The following MTMR3 variants were observed in gnomAD, a reference collection of about 807,000 sequenced individuals.
MTMR3 encodes the protein myotubularin related protein 3, also known as phosphatidylinositol-3,5-bisphosphate 3-phosphatase MTMR3.
MTMR3 carries 32 observed loss-of-function variants against 132.4 expected under a neutral mutation model. The ratio of observed to expected loss-of-function variants is 0.24; its 90% CI spans 0.18 to 0.32. The LOEUF is 0.32. Among genes scored for constraint, MTMR3 ranks in the 10% least tolerant of loss-of-function variants. The pLI is 1.00. For synonymous variants in MTMR3, 556 were observed against 550.3 expected (o/e 1.01, Z -0.14); for missense variants, 1,216 against 1,489.6 (o/e 0.82, Z 3.02).
intron 1 of MTMR3, among the ~76,000 whole-genome samples, chr22:29,948,810 A>AG (rs2065999912): frequency 6.6e-6 from 1 of 150,780 alleles, no homozygotes; most frequent in South Asian, 2.1e-4. Flanking sequence ...AAAAAAAAAA[A>AG]GCCAAAAAAC....
chr22:29,883,750 C>T (rs1477520911), intron 1 of MTMR3, among the ~76,000 whole-genome samples: 1 of 152,190 alleles, frequency 6.6e-6, no homozygotes, highest in Non-Finnish European at 1.5e-5. Flanking sequence ...CGCCCTTCGC[C>T]CCCTGCCGGG....
chr22:29,964,792 C>T (rs73162767), intron 2 of MTMR3, among the ~76,000 whole-genome samples: 3,032 of 152,274 alleles, frequency 0.02, 40 homozygotes, highest in South Asian at 0.039. Flanking sequence ...AATCAAATCA[C>T]GTCACTCTGC....
intron 1 of MTMR3, among the ~76,000 whole-genome samples, chr22:29,885,861 G>A (rs149670579): frequency 6.6e-6 from 1 of 152,346 alleles, no homozygotes; most frequent in Non-Finnish European, 1.5e-5. Flanking sequence ...GGAAGTATTC[G>A]TGTTTTAGAG....
Position 29,955,891 on chromosome 22 carries a change from A to G in MTMR3, c.-137-1145A>G, listed in dbSNP as rs534486553. On this transcript the variant is annotated intron_variant, in intron 1 of 19. Transcript: ENST00000401950. The stretch of plus-strand genomic sequence containing the variant: ...CTCAGCCTCCTGAGTAGCTGGGACT[A>G]CAGGTGTGCCCCACCACACCCAGCT... Among the ~76,000 whole-genome samples the G allele has an allele frequency of 2.6e-5, 4 of 152,244 alleles. No individual in the cohort carries two copies. The South Asian group carries it at 8.3e-4, about 32-fold the overall frequency.
At chr22:30,022,952 A>G in intron 19 of MTMR3, 1 of 503,968 alleles carries the variant, frequency 2.0e-6, no homozygotes, top group Non-Finnish European at 3.6e-6. Context: ...TGGTGAAACA[A>G]CAGCCACCAC....
intron 2 of MTMR3, among the ~76,000 whole-genome samples, chr22:29,969,862 C>A (rs1476412417): frequency 6.6e-6 from 1 of 152,148 alleles, no homozygotes; most frequent in Non-Finnish European, 1.5e-5. Flanking sequence ...CATCTCCTAC[C>A]ATTCCTCTGC....
At chr22:29,887,635 C>T (rs2064705540) in intron 1 of MTMR3, among the ~76,000 whole-genome samples, 2 of 152,162 alleles carry the variant, frequency 1.3e-5, no homozygotes, top group Non-Finnish European at 2.9e-5. Flanking sequence ...CCTGGGATGT[C>T]TCACATTTAT....
chr22:30,001,024 T>C (rs565745505), intron 8 of MTMR3: 1 of 152,212 alleles, frequency 6.6e-6, no homozygotes, highest in South Asian at 2.1e-4. Context: ...GAGGCCAAGA[T>C]AGAGGATTGA....
intron 5 of MTMR3, chr22:29,987,925 C>T (rs1156589409): frequency 2.0e-5 from 3 of 152,318 alleles, no homozygotes; most frequent in Non-Finnish European, 4.4e-5. Context: ...AGAGCCTGGC[C>T]AGCAGCTATT....
intron 6 of MTMR3, chr22:29,990,613 C>T (rs755047925): frequency 1.4e-4 from 21 of 152,184 alleles, no homozygotes; most frequent in Non-Finnish European, 2.6e-4. Flanking sequence ...CAGAGCCTCA[C>T]TCTGTTGCCC....
rs190766901 is a variant in MTMR3 at position 29,919,827 on chromosome 22, C to T, written c.-138+36468C>T. Among the ~76,000 whole-genome samples, 273 of 152,314 alleles carry T rather than the reference C, an allele frequency of 1.8e-3. 1 individual carries two copies. Among genetic ancestry groups the T allele is most frequent in the Admixed American group, 3.4e-3 (52 of 15,310 alleles). Reference sequence around the variant, plus strand: ...AGAGGCATGAGCCACTGCACCCAGCCTGGTTTTAATCTTTAGGAAATATTT... The same window carrying T: ...AGAGGCATGAGCCACTGCACCCAGCTTGGTTTTAATCTTTAGGAAATATTT... On this transcript the variant is annotated intron_variant, in intron 1 of 19. Transcript: ENST00000401950.
chr22:29,948,284 C>G (rs577453855), intron 1 of MTMR3, among the ~76,000 whole-genome samples: 1 of 152,144 alleles, frequency 6.6e-6, no homozygotes, highest in Non-Finnish European at 1.5e-5. Context: ...TGGTCCTTGT[C>G]GATTTTTGAT....
rs1260445551 is a variant in MTMR3, at chr22:30,019,917, A to G, written c.2258A>G (p.His753Arg). 1 of 1,614,214 alleles carries G rather than the reference A, an allele frequency of 6.2e-7. No homozygotes were observed. Among genetic ancestry groups the G allele is most frequent in the Non-Finnish European group, 8.5e-7 (1 of 1,180,034 alleles). The change falls in exon 17 of 20, where the codon CAT becomes CGT. Residue 753 changes from histidine (H) to arginine (R), a missense_variant. Coordinates refer to ENST00000401950, the MANE Select transcript of MTMR3 (RefSeq NM_021090.4). The stretch of plus-strand genomic sequence containing the variant: ...CTGGGTGATGCTGCTCTGAGGAGCC[A>G]TCTGGATATGAGCTGGCCTCTGTTC... ...PELGDAALRS[H>R]LDMSWPLFSQ...
At chr22:29,915,502 A>T (rs375410037) in intron 1 of MTMR3, among the ~76,000 whole-genome samples, 28 of 152,196 alleles carry the variant, frequency 1.8e-4, no homozygotes, top group East Asian at 7.7e-4. Flanking sequence ...GCTCACTGCA[A>T]CCTCAGCCTC....
In MTMR3 at chr22:30,030,676, T is replaced by A. The variant is rs1356896866; in HGVS notation, c.*4875T>A. 1 of 149,346 alleles carries A rather than the reference T, an allele frequency of 6.7e-6. No individual in the cohort carries two copies. The highest frequency in any genetic ancestry group is 2.0e-4 in the East Asian group (1 of 5,060). The allele number at this position is 149,346 out of a possible 1,614,324, so 9.3% of individuals were successfully genotyped here. ...ACTATTTATCTTCCAGAGGCAGGGT[T>A]CATGGATTCCTGATGTTTAGAGGCG... On this transcript the variant is annotated 3_prime_UTR_variant, in exon 20 of 20. Coordinates refer to ENST00000401950, the MANE Select transcript of MTMR3 (RefSeq NM_021090.4).
At chr22:29,967,193 TTGTGTGTGTGTG>T (rs10680622) in intron 2 of MTMR3, among the ~76,000 whole-genome samples, 10,614 of 142,018 alleles carry the variant, frequency 0.075, 623 homozygotes, top group South Asian at 0.24. Flanking sequence ...TTCACCTCTG[TTGTGTGTGTGTG>T]TGTGTGTGTG....
At chr22:29,931,126 T>C (rs2065635389) in intron 1 of MTMR3, among the ~76,000 whole-genome samples, 1 of 152,222 alleles carries the variant, frequency 6.6e-6, no homozygotes, top group Admixed American at 6.5e-5. Flanking sequence ...GGCAACTTTA[T>C]GTCACTATTT....
At chr22:29,920,702 C>A (rs1410811597) in intron 1 of MTMR3, among the ~76,000 whole-genome samples, 15 of 151,790 alleles carry the variant, frequency 9.9e-5, no homozygotes, top group Non-Finnish European at 2.1e-4. Flanking sequence ...ATAAGTAATT[C>A]TCTAGAGCAG....
chr22:29,925,852 T>C (rs2065506063), intron 1 of MTMR3, among the ~76,000 whole-genome samples: 1 of 152,014 alleles, frequency 6.6e-6, no homozygotes, highest in South Asian at 2.1e-4. Context: ...GATGCGGAGG[T>C]TGCAATGAGC....
Sources: gnomAD v4.1 joint callset for allele counts (sites outside exome capture counted in the v4.1 genomes callset) on GRCh38, gnomAD v4.1.1 for gene constraint, MANE v1.5 for transcripts, NCBI Gene and HGNC (gene_info 2026-07-23, HGNC 2026-07-21) for gene names.